SEL1L2: variants seen among roughly 807,000 people sequenced by gnomAD.
SEL1L2 encodes protein sel-1 homolog 2.
In SEL1L2, 89 loss-of-function variants were observed where a neutral mutation model predicts 98.8. The ratio of observed to expected loss-of-function variants is 0.90; its 90% CI spans 0.76 to 1.07. SEL1L2 has a LOEUF of 1.07. Ranked by LOEUF, SEL1L2 falls within the 50% of genes least tolerant of loss-of-function variation. The pLI is 0.00. For synonymous variants in SEL1L2, 262 were observed against 278.5 expected (o/e 0.94, Z 0.59); for missense variants, 788 against 812.0 (o/e 0.97, Z 0.36).
chr20:13,897,079 G>C (rs1466176903), intron 5 of SEL1L2, among the ~76,000 whole-genome samples: 1 of 152,158 alleles, frequency 6.6e-6, no homozygotes. Flanking sequence ...CAATGGAACA[G>C]AATGCATAAA....
intron 2 of SEL1L2, among the ~76,000 whole-genome samples, chr20:13,948,959 T>A (rs1474839783): frequency 6.6e-6 from 1 of 152,216 alleles, no homozygotes; most frequent in Non-Finnish European, 1.5e-5. Context: ...AATTTCTATG[T>A]TTATCCAAAA....
intron 19 of SEL1L2, 166 bp downstream of exon 19, chr20:13,850,025 T>G (rs1186325900): frequency 1.4e-6 from 1 of 693,316 alleles, no homozygotes; most frequent in Non-Finnish European, 2.4e-6. Context: ...ACATACTCAA[T>G]AGAACATGCA....
chr20:13,911,298 A>G (rs2048196660), intron 5 of SEL1L2, among the ~76,000 whole-genome samples: 1 of 152,234 alleles, frequency 6.6e-6, no homozygotes, highest in African/African-American at 2.4e-5. Flanking sequence ...CCAAGAAACA[A>G]TTGTTGACTT....
chr20:13,958,524 G>A (rs771335181), intron 1 of SEL1L2, among the ~76,000 whole-genome samples: 5 of 152,242 alleles, frequency 3.3e-5, no homozygotes, highest in South Asian at 2.1e-4. Flanking sequence ...AAACTTGAGC[G>A]ATTTTCTTAT....
intron 10 of SEL1L2, among the ~76,000 whole-genome samples, chr20:13,880,319 A>T (rs978242590): frequency 6.6e-6 from 1 of 152,244 alleles, no homozygotes; most frequent in Admixed American, 6.5e-5. Context: ...TCCTGAAGCA[A>T]ATATAAATCC....
chr20:13,986,164 T>C (rs1439036542), intron 1 of SEL1L2, among the ~76,000 whole-genome samples: 3 of 152,206 alleles, frequency 2.0e-5, no homozygotes, highest in East Asian at 3.8e-4. Context: ...AACTATTAGA[T>C]CATATAGTAA....
chr20:13,852,895 G>A (rs1443050729), intron 18 of SEL1L2, among the ~76,000 whole-genome samples: 3 of 152,080 alleles, frequency 2.0e-5, no homozygotes, highest in African/African-American at 4.8e-5. Context: ...GCATGTGAAT[G>A]GGAAGGTCGT....
In SEL1L2 at chr20:13,888,500, A is replaced by T; in HGVS notation, c.562T>A (p.Leu188Met). 1 of 1,559,124 alleles carries T rather than the reference A, an allele frequency of 6.4e-7. No individual in the cohort carries two copies. Among genetic ancestry groups the T allele is most frequent in the Non-Finnish European group, 8.8e-7 (1 of 1,139,658 alleles). Residue 188 changes from leucine (L) to methionine (M), a missense_variant, in exon 6 of 20, where the codon TTG becomes ATG. Physicochemically the swap from Leu to Met is conservative, Grantham distance 15. Coordinates refer to ENST00000284951, the MANE Select transcript of SEL1L2 (RefSeq NM_025229.2). ...SCKAQNALGF[L>M]SSYGIGMEYD... ...TCCATTCCTATTCCATAAGAAGACA[A>T]AAATCCTAATGCCTAAAGCACAAAA...
intron 5 of SEL1L2, among the ~76,000 whole-genome samples, chr20:13,912,677 C>A (rs1275288718): frequency 6.6e-6 from 1 of 152,112 alleles, no homozygotes; most frequent in Non-Finnish European, 1.5e-5. Flanking sequence ...CAGAAGATGG[C>A]TCAGATGCAA....
intron 5 of SEL1L2, among the ~76,000 whole-genome samples, chr20:13,901,815 C>A (rs552696277): frequency 1.3e-5 from 2 of 152,092 alleles, no homozygotes; most frequent in African/African-American, 4.8e-5. Context: ...GCGCCCGCCA[C>A]CACGCCCGGC....
At chr20:13,959,336 A>G (rs1197349990) in intron 1 of SEL1L2, among the ~76,000 whole-genome samples, 3 of 152,294 alleles carry the variant, frequency 2.0e-5, no homozygotes, top group Non-Finnish European at 4.4e-5. Context: ...CTTGCACCCA[A>G]AAATGGTCAT....
intron 18 of SEL1L2, among the ~76,000 whole-genome samples, chr20:13,855,107 T>C (rs1461141682): frequency 6.7e-6 from 1 of 148,328 alleles, no homozygotes; most frequent in East Asian, 2.0e-4. Context: ...CTAGAGGAGA[T>C]GACATTGGAG....
intron 10 of SEL1L2, among the ~76,000 whole-genome samples, chr20:13,878,881 T>C (rs143531973): frequency 3.4e-4 from 52 of 152,282 alleles, no homozygotes; most frequent in Non-Finnish European, 1.9e-4. Flanking sequence ...AGCAGTGAGA[T>C]AGTAGGTAAT....
At chr20:13,900,244 T>C (rs2047611878) in intron 5 of SEL1L2, among the ~76,000 whole-genome samples, 3 of 152,226 alleles carry the variant, frequency 2.0e-5, no homozygotes, top group African/African-American at 7.2e-5. Context: ...AATGTCTTTA[T>C]TTCATCTAGA....
At chr20:13,980,601 G>T (rs1010841421) in intron 1 of SEL1L2, among the ~76,000 whole-genome samples, 1 of 152,156 alleles carries the variant, frequency 6.6e-6, no homozygotes, top group Admixed American at 6.5e-5. Flanking sequence ...TCAAAGAAAA[G>T]AATTGGCATA....
At chr20:13,913,269 T>C (rs980846367) in intron 5 of SEL1L2, among the ~76,000 whole-genome samples, 1 of 152,216 alleles carries the variant, frequency 6.6e-6, no homozygotes, top group Non-Finnish European at 1.5e-5. Context: ...CAAAATGATA[T>C]ATGCAATTGC....
At chr20:13,962,293 C>T (rs1299405260) in intron 1 of SEL1L2, among the ~76,000 whole-genome samples, 2 of 152,194 alleles carry the variant, frequency 1.3e-5, no homozygotes, top group African/African-American at 4.8e-5. Flanking sequence ...TCTGGGCTGC[C>T]GTTTTGACTT....
At chr20:13,987,317 T>TG (rs1491076019) in intron 1 of SEL1L2, among the ~76,000 whole-genome samples, 19 of 90,448 alleles carry the variant, frequency 2.1e-4, no homozygotes, top group African/African-American at 7.8e-4. Context: ...TACTGTTTTT[T>TG]TTTTTTTTTT....
At chr20:13,857,718 G>T (rs996407397) in intron 18 of SEL1L2, among the ~76,000 whole-genome samples, 7 of 152,202 alleles carry the variant, frequency 4.6e-5, no homozygotes, top group African/African-American at 1.7e-4. Flanking sequence ...ATATTATTAT[G>T]TTTTGCATGA....
Sources: gnomAD v4.1 joint callset for allele counts (sites outside exome capture counted in the v4.1 genomes callset) on GRCh38, gnomAD v4.1.1 for gene constraint, MANE v1.5 for transcripts, NCBI Gene and HGNC (gene_info 2026-07-23, HGNC 2026-07-21) for gene names.